The following TULP3 variants were observed in gnomAD, a reference collection of about 807,000 sequenced individuals.
The protein encoded by TULP3 is TUB like protein 3.
Under a neutral mutation model 50.7 loss-of-function variants are expected in TULP3, and 38 were observed. The observed-to-expected ratio is 0.75, with a 90% CI of 0.58 to 0.98. TULP3 has a LOEUF of 0.98. TULP3 is among the 50% of genes least tolerant of loss of function. The pLI, the probability that TULP3 is intolerant of heterozygous loss-of-function variation, is 0.00. For synonymous variants in TULP3, 183 were observed against 196.6 expected, an observed-to-expected ratio of 0.93 and a Z score of 0.58; for missense variants, 550 against 568.0, an observed-to-expected ratio of 0.97 and a Z score of 0.32.
intron 1 of TULP3, among the ~76,000 whole-genome samples, chr12:2,894,139 T>G (rs1374088346): frequency 6.6e-6 from 1 of 152,086 alleles, no homozygotes; most frequent in African/African-American, 2.4e-5. Flanking sequence ...TGCTTCCCAC[T>G]GTGGTGTGAC....
chr12:2,935,494 T>C (rs547486498), intron 8 of TULP3, among the ~76,000 whole-genome samples: 1 of 152,352 alleles, frequency 6.6e-6, no homozygotes, highest in Non-Finnish European at 1.5e-5. Context: ...ACAGTAGATA[T>C]TCAAAGAGTT....
chr12:2,916,017 A>G (rs1285600232), intron 2 of TULP3, among the ~76,000 whole-genome samples: 1 of 151,588 alleles, frequency 6.6e-6, no homozygotes, highest in African/African-American at 2.4e-5. Context: ...ATTTAAATGA[A>G]GTTTTATTTA....
intron 1 of TULP3, among the ~76,000 whole-genome samples, chr12:2,906,156 A>C (rs566488327): frequency 1.4e-5 from 2 of 145,242 alleles, no homozygotes; most frequent in Non-Finnish European, 3.0e-5. Context: ...TCAGTCTCCT[A>C]AGTAGCTGGG....
Position 2,915,032 on chromosome 12 carries a change from A to G in TULP3, c.93+5452A>G, listed in dbSNP as rs552696600. On this transcript the variant is annotated intron_variant, in intron 2 of 10. Coordinates refer to ENST00000448120, the MANE Select transcript of TULP3 (RefSeq NM_003324.5). Reference sequence around the variant, plus strand: ...AGACAAGAGTGTAGCCCTGTTGCCCAGGCTGGAGTGTAGTGGCATGATCTT... The same window carrying G: ...AGACAAGAGTGTAGCCCTGTTGCCCGGGCTGGAGTGTAGTGGCATGATCTT... Among the ~76,000 whole-genome samples, 25 of 152,008 alleles carry G rather than the reference A, an allele frequency of 1.6e-4. No individual in the cohort carries two copies. The South Asian group carries it at 5.0e-3, about 30-fold the overall frequency.
chr12:2,909,116 G>A (rs1440799696), intron 1 of TULP3, among the ~76,000 whole-genome samples: 2 of 152,300 alleles, frequency 1.3e-5, no homozygotes, highest in African/African-American at 2.4e-5. Context: ...GACTCTTCAA[G>A]TCTGTTTCTT....
rs543923728 is a variant in TULP3, at chr12:2,892,547, C to G, written c.41+1559C>G. On this transcript the variant is annotated intron_variant, in intron 1 of 10. Transcript: ENST00000448120. ...TTTTTTTCTGAGACGGAGTCTCTCT[C>G]TGTCGCCAGGCGGTAGTGCAGTGGT... 1.2e-4 allele frequency among the ~76,000 whole-genome samples: 18 copies of G among 152,024 alleles called. No individual in the cohort carries two copies. The South Asian group carries it at 3.3e-3, about 28-fold the overall frequency.
At chr12:2,922,775 T>G (rs2098192514) in intron 4 of TULP3, among the ~76,000 whole-genome samples, 1 of 152,150 alleles carries the variant, frequency 6.6e-6, no homozygotes, top group Admixed American at 6.6e-5. Context: ...GCCTTTCTTC[T>G]AGTTGGAGCT....
intron 4 of TULP3, among the ~76,000 whole-genome samples, chr12:2,923,397 A>G (rs546111391): frequency 7.9e-5 from 12 of 152,258 alleles, no homozygotes; most frequent in African/African-American, 2.4e-4. Context: ...GCTCACGCCT[A>G]TAATTCCAGC....
chr12:2,907,740 C>T (rs1485115637), intron 1 of TULP3, among the ~76,000 whole-genome samples: 1 of 151,484 alleles, frequency 6.6e-6, no homozygotes, highest in African/African-American at 2.4e-5. Context: ...TTTTTTGTCA[C>T]ACTATATTAA....
intron 10 of TULP3, 69 bp downstream of exon 10, chr12:2,938,354 C>A: frequency 6.6e-7 from 1 of 1,508,022 alleles, no homozygotes; most frequent in East Asian, 2.3e-5. Flanking sequence ...AATGCACATT[C>A]CCTGTACATG....
intron 4 of TULP3, among the ~76,000 whole-genome samples, chr12:2,928,244 C>T (rs183118023): frequency 2.0e-5 from 3 of 152,094 alleles, no homozygotes; most frequent in Non-Finnish European, 2.9e-5. Flanking sequence ...AAGAAAATGC[C>T]AGGGGGCCAG....
intron 2 of TULP3, among the ~76,000 whole-genome samples, chr12:2,911,459 T>C (rs2098185467): frequency 6.6e-6 from 1 of 151,934 alleles, no homozygotes; most frequent in East Asian, 1.9e-4. Flanking sequence ...TTCACGCCAT[T>C]CTCCTGCCTC....
chr12:2,915,823 C>T (rs972854792), intron 2 of TULP3, among the ~76,000 whole-genome samples: 3 of 151,988 alleles, frequency 2.0e-5, no homozygotes, highest in Non-Finnish European at 4.4e-5. Flanking sequence ...CGATTACAGG[C>T]GTGAGCCACC....
chr12:2,930,267 C>T lies in TULP3; in HGVS notation c.414C>T (p.Asn138=), dbSNP rs1242119239. The part of the protein sequence containing the change: ...LQKHDISESV[N]FDEETDGISQ... ...TGCTAGATATCTCTGAAAGTGTGAA[C>T]TTCGATGAGGAGACTGATGGAATAT... Residue 138 remains asparagine (N), a synonymous_variant, in exon 5 of 11, where the codon AAC becomes AAT. Transcript: ENST00000448120. 1 of 1,612,312 alleles carries T rather than the reference C, an allele frequency of 6.2e-7. No homozygotes were observed. Among genetic ancestry groups the T allele is most frequent in the Non-Finnish European group, 8.5e-7 (1 of 1,179,074 alleles).
intron 1 of TULP3, among the ~76,000 whole-genome samples, chr12:2,895,548 G>C (rs937310620): frequency 6.6e-6 from 1 of 152,108 alleles, no homozygotes; most frequent in Non-Finnish European, 1.5e-5. Context: ...CATGGCCTTC[G>C]AATATTGACA....
chr12:2,899,712 T>C (rs2060877119), intron 1 of TULP3, among the ~76,000 whole-genome samples: 1 of 151,374 alleles, frequency 6.6e-6, no homozygotes, highest in South Asian at 2.1e-4. Context: ...GCTAACACAG[T>C]GAAACCCTGT....
intron 1 of TULP3, among the ~76,000 whole-genome samples, chr12:2,904,981 A>C (rs2098181328): frequency 1.3e-5 from 2 of 151,364 alleles, no homozygotes; most frequent in Non-Finnish European, 2.9e-5. Flanking sequence ...GCTGCTTGGG[A>C]GGCTGACGCA....
rs71057864 is a variant in TULP3, at chr12:2,927,366, A to ATTT, written c.395-2866_395-2864dup. On this transcript the variant is annotated intron_variant, in intron 4 of 10. Coordinates refer to ENST00000448120, the MANE Select transcript of TULP3 (RefSeq NM_003324.5). ...GGACCTATGTTTTCAGTTGAGACTG[A>ATTT]TTTTTTTTTTTTTTTTTTGAGACCA... Among the ~76,000 whole-genome samples the ATTT allele has an allele frequency of 7.1e-4, 75 of 105,184 alleles. 5 individuals carry two copies. Among genetic ancestry groups the ATTT allele is most frequent in the African/African-American group, 2.6e-3 (68 of 25,762 alleles). 69.0% of individuals were successfully genotyped at this position (105,184 alleles called of 152,430 possible). A position where few individuals can be genotyped will look rare whatever the true frequency, so the allele number is the denominator to read the frequency against.
intron 6 of TULP3, 122 bp downstream of exon 6, chr12:2,931,362 A>G (rs1441914674): frequency 2.3e-6 from 2 of 888,636 alleles, no homozygotes; most frequent in African/African-American, 3.4e-5. Context: ...AGTAGATTGT[A>G]TCTTTCAGTC....
Sources: gnomAD v4.1 joint callset for allele counts (sites outside exome capture counted in the v4.1 genomes callset) on GRCh38, gnomAD v4.1.1 for gene constraint, MANE v1.5 for transcripts, NCBI Gene and HGNC (gene_info 2026-07-23, HGNC 2026-07-21) for gene names.